Variants in WWP2 observed in about 807,000 individuals in gnomAD.
The protein encoded by WWP2 is NEDD4-like E3 ubiquitin-protein ligase WWP2.
Under a neutral mutation model 121.0 loss-of-function variants are expected in WWP2, and 57 were observed. The observed-to-expected ratio is 0.47, with a 90% confidence interval of 0.38 to 0.59. WWP2 has a LOEUF of 0.59. Ranked by LOEUF, WWP2 falls within the 20% of genes least tolerant of loss-of-function variation. WWP2 has a pLI of 0.00. For synonymous variants in WWP2, 449 were observed against 441.3 expected, an observed-to-expected ratio of 1.02 and a Z score of -0.22; for missense variants, 962 against 1,158.9, an observed-to-expected ratio of 0.83 and a Z score of 2.47.
At chr16:69,856,550 G>A (rs547910500) in intron 6 of WWP2, among the ~76,000 whole-genome samples, 5 of 152,174 alleles carry the variant, frequency 3.3e-5, no homozygotes, top group Non-Finnish European at 7.3e-5. Flanking sequence ...ACTGAGGTGG[G>A]TGGATCACGA....
intron 4 of WWP2, among the ~76,000 whole-genome samples, chr16:69,811,305 TG>T (rs2056387983): frequency 6.6e-6 from 1 of 152,096 alleles, no homozygotes; most frequent in Non-Finnish European, 1.5e-5. Flanking sequence ...CCCCAATTTT[TG>T]TATTTTTAAA....
At chr16:69,820,825 TACACACACACACAC>T (rs34214656) in intron 4 of WWP2, among the ~76,000 whole-genome samples, 2 of 144,070 alleles carry the variant, frequency 1.4e-5, no homozygotes, top group Non-Finnish European at 3.1e-5. Context: ...TACATGCATA[TACACACACACACAC>T]ACACACACAC....
intron 4 of WWP2, among the ~76,000 whole-genome samples, chr16:69,803,337 C>CT (rs1203892954): frequency 2.4e-5 from 3 of 126,292 alleles, no homozygotes; most frequent in Non-Finnish European, 3.4e-5. Context: ...CTACTTTTTT[C>CT]TATTTTTTTT....
rs58342753 is a variant in WWP2, at chr16:69,939,141, C to T, written c.2440+18C>T. On this transcript the variant is annotated intron_variant, in intron 22 of 23. Coordinates refer to ENST00000359154, the MANE Select transcript of WWP2 (RefSeq NM_001270454.2). ...ACTCATCGGTATGTTTTCTCTCGCC[C>T]TCTGGCGTCCTGGCTGGCAGTGCGG... 28,266 of 1,585,232 alleles carry T rather than the reference C, an allele frequency of 0.018. 3,870 individuals are homozygous for T. The African/African-American group carries it at 0.31, about 18-fold the overall frequency.
intron 6 of WWP2, among the ~76,000 whole-genome samples, chr16:69,853,230 A>C (rs1424966530): frequency 6.6e-5 from 10 of 152,218 alleles, no homozygotes; most frequent in African/African-American, 2.4e-4. Context: ...ATGGGGAATT[A>C]GATGCTTATA....
At position 69,930,201 on chromosome 16, in the gene WWP2, T is replaced by C. The variant is rs2058692660; in HGVS notation, c.1388T>C (p.Val463Ala). The change falls in exon 13 of 24, where the codon GTG becomes GCG. Residue 463 changes from valine to alanine, a missense_variant. By Grantham distance (64) the Val-to-Ala change is moderately conservative (BLOSUM62 0). Around this residue, in one of 3 missense-constraint regions of WWP2, gnomAD observed 606 missense variants for 772.6 expected, o/e 0.78. Coordinates refer to ENST00000359154, the MANE Select transcript of WWP2 (RefSeq NM_001270454.2). The part of the protein sequence containing the change: ...KYTSEGVRYF[V>A]DHNTRTTTFK... ...ACCAGCGAGGGGGTGCGATACTTTG[T>C]GGACCACAATACCCGCACCACCACC... is the stretch of plus-strand genomic sequence containing the variant. The C allele has an allele frequency of 1.2e-6, 2 of 1,614,092 alleles. No homozygotes were observed. The highest frequency in any genetic ancestry group is 4.5e-5 in the East Asian group (2 of 44,870).
intron 4 of WWP2, among the ~76,000 whole-genome samples, chr16:69,811,472 G>A (rs1327305939): frequency 6.6e-6 from 1 of 152,084 alleles, no homozygotes; most frequent in Non-Finnish European, 1.5e-5. Flanking sequence ...TAAAAAAATA[G>A]CAGGGTCTGG....
intron 2 of WWP2, among the ~76,000 whole-genome samples, chr16:69,797,136 T>A (rs957798605): frequency 6.6e-6 from 1 of 152,178 alleles, no homozygotes; most frequent in South Asian, 2.1e-4. Flanking sequence ...TACACTAGGA[T>A]GTCTGTCTAG....
At chr16:69,821,791 C>T (rs1230728757) in intron 4 of WWP2, among the ~76,000 whole-genome samples, 1 of 147,068 alleles carries the variant, frequency 6.8e-6, no homozygotes, top group African/African-American at 2.5e-5. Flanking sequence ...CTCCTGGCCT[C>T]AAGCAATCCT....
chr16:69,786,916 C>T, intron 1 of WWP2, 80 bp from the exon 2 acceptor site: 1 of 1,280,978 alleles, frequency 7.8e-7, no homozygotes, highest in Non-Finnish European at 1.1e-6. Context: ...TTTCTTTAAG[C>T]TTAAATATTG....
chr16:69,939,827 C>T lies in WWP2; in HGVS notation c.2514-14C>T, dbSNP rs372505477. 21 of 1,610,974 alleles carry T rather than the reference C, an allele frequency of 1.3e-5. No homozygotes were observed. Among genetic ancestry groups the T allele is most frequent in the Non-Finnish European group, 1.7e-5 (20 of 1,178,584 alleles). ...CTCCTAGGGCTGACTGTCGTGCTTC[C>T]CCACTCTCAATAGCTTCAACCGTCT... On this transcript the variant is annotated splice_polypyrimidine_tract_variant and intron_variant, in intron 23 of 23. Coordinates refer to ENST00000359154, the MANE Select transcript of WWP2 (RefSeq NM_001270454.2).
rs1416674000 is a variant in WWP2 at position 69,936,860 on chromosome 16, C to T, written c.2118-258C>T. On this transcript the variant is annotated intron_variant, in intron 19 of 23. Transcript: ENST00000359154. ...TAGTCTTTATCTCCACGCTTCCATA[C>T]GTCTGAGGTTCAGTCGGCGCTGGGG... 4 of 503,066 alleles carry T rather than the reference C, an allele frequency of 8.0e-6. No individual in the cohort carries two copies. The East Asian group carries it at 1.1e-4, about 13-fold the overall frequency. 31.2% of individuals were successfully genotyped at this position (503,066 alleles called of 1,614,324 possible).
chr16:69,814,076 G>A (rs1308026334), intron 4 of WWP2, among the ~76,000 whole-genome samples: 1 of 152,148 alleles, frequency 6.6e-6, no homozygotes, highest in Admixed American at 6.6e-5. Context: ...TTGGGATTCG[G>A]GGACACACTT....
intron 3 of WWP2, 127 bp downstream of exon 3, chr16:69,798,956 T>A: frequency 7.0e-7 from 1 of 1,432,022 alleles, no homozygotes; most frequent in Non-Finnish European, 9.4e-7. Flanking sequence ...GTACCCAAGG[T>A]GACTCTTTTT....
At chr16:69,828,909 C>T (rs1255902829) in intron 4 of WWP2, among the ~76,000 whole-genome samples, 3 of 152,148 alleles carry the variant, frequency 2.0e-5, no homozygotes, top group Admixed American at 6.5e-5. Context: ...TCTCTTCCCA[C>T]GTATCTGACG....
At chr16:69,916,638 G>A (rs115291707) in intron 9 of WWP2, among the ~76,000 whole-genome samples, 1,798 of 152,226 alleles carry the variant, frequency 0.012, 48 homozygotes, top group African/African-American at 0.041. Flanking sequence ...TGATAGCAGC[G>A]GGAATGATGT....
intron 1 of WWP2, among the ~76,000 whole-genome samples, chr16:69,771,616 T>G (rs1342200407): frequency 6.6e-6 from 1 of 152,218 alleles, no homozygotes; most frequent in African/African-American, 2.4e-5. Context: ...TTTTCAAGAT[T>G]GTTTTGGCGA....
At chr16:69,921,916 AT>A (rs2058568354) in intron 10 of WWP2, among the ~76,000 whole-genome samples, 1 of 151,836 alleles carries the variant, frequency 6.6e-6, no homozygotes, top group Non-Finnish European at 1.5e-5. Flanking sequence ...TCTACTAAAA[AT>A]ACAAAAATTA....
intron 6 of WWP2, 38 bp from the exon 7 acceptor site, chr16:69,871,766 T>C (rs2057640402): frequency 6.2e-7 from 1 of 1,610,304 alleles, no homozygotes. Context: ...CTTTTCACAG[T>C]GACTTATGTC....
Sources: allele counts gnomAD v4.1 joint callset (sites outside exome capture counted in the v4.1 genomes callset), GRCh38; gene constraint gnomAD v4.1.1; regional missense constraint gnomAD v4.1.1; transcripts MANE v1.5; gene names NCBI Gene and HGNC (gene_info 2026-07-23, HGNC 2026-07-21).